The following ZNF587 variants were observed in gnomAD, a reference collection of about 807,000 sequenced individuals.
ZNF587 encodes the protein zinc finger protein 587.
Under a neutral mutation model 7.5 loss-of-function variants are expected in ZNF587, and 8 were observed. The observed-to-expected ratio is 1.06, with a 90% confidence interval of 0.62 to 1.92. ZNF587 has a LOEUF of 1.92. Among genes scored for constraint, ZNF587 ranks in the 40% most tolerant of loss-of-function variants. The pLI is 0.00. For synonymous variants in ZNF587, 145 were observed against 237.8 expected (o/e 0.61, Z 3.59); for missense variants, 468 against 692.8 (o/e 0.68, Z 3.64).
chr19:57,856,836 G>A (rs550211472), intron 2 of ZNF587, among the ~76,000 whole-genome samples: 17 of 152,088 alleles, frequency 1.1e-4, no homozygotes, highest in Middle Eastern at 3.4e-3. Flanking sequence ...TCAGGTGACT[G>A]TCCAAATCGG....
At position 57,859,928 on chromosome 19, in the gene ZNF587, G is replaced by A. The variant is rs774045298; in HGVS notation, c.1516G>A (p.Ala506Thr). The A allele has an allele frequency of 1.7e-5, 28 of 1,613,636 alleles. No individual in the cohort carries two copies. The highest frequency in any genetic ancestry group is 1.3e-4 in the African/African-American group (10 of 74,714). ...ECGKSFLSSS[A>T]LHVHKRVHSG... Reference sequence around the variant, plus strand: ...TGGGAAATCATTTCTTTCCAGCTCTGCGCTTCATGTTCATAAAAGAGTTCA... The same window carrying A: ...TGGGAAATCATTTCTTTCCAGCTCTACGCTTCATGTTCATAAAAGAGTTCA... The change falls in exon 3 of 3, where the codon GCG becomes ACG. Residue 506 changes from alanine (A) to threonine (T), a missense_variant. Ala to Thr is a moderately conservative substitution (Grantham distance 58, BLOSUM62 0). Around this residue, in one of 5 missense-constraint regions of ZNF587, gnomAD observed 310 missense variants for 325.6 expected, o/e 0.95. Coordinates refer to ENST00000339656, the MANE Select transcript of ZNF587 (RefSeq NM_032828.4).
intron 2 of ZNF587, among the ~76,000 whole-genome samples, chr19:57,857,554 T>A (rs192655031): frequency 6.6e-6 from 1 of 151,968 alleles, no homozygotes; most frequent in Non-Finnish European, 1.5e-5. Flanking sequence ...GTTGTACTCA[T>A]GTTTTCTTGG....
At chr19:57,858,222 G>A in intron 2 of ZNF587, 1 of 283,790 alleles carries the variant, frequency 3.5e-6, no homozygotes. Flanking sequence ...TGCCTTCTGG[G>A]TTCAAATGAT....
intron 1 of ZNF587, chr19:57,850,484 GTT>G: frequency 6.0e-6 from 3 of 496,346 alleles, no homozygotes; most frequent in Non-Finnish European, 1.1e-5. Flanking sequence ...GCTGTTTTCT[GTT>G]CTGGGTGGGA....
At chr19:57,850,346 A>T (rs2071266256) in intron 1 of ZNF587, 5 of 621,984 alleles carry the variant, frequency 8.0e-6, no homozygotes, top group Non-Finnish European at 5.6e-6. Flanking sequence ...TTTATTATTC[A>T]AATCAGTCTC....
At chr19:57,850,297 A>G (rs529933006) in intron 1 of ZNF587, 1 of 690,142 alleles carries the variant, frequency 1.4e-6, no homozygotes, top group South Asian at 1.9e-5. Flanking sequence ...AGAAATAGTA[A>G]TTCACGCAGA....
In ZNF587 at chr19:57,858,604, G is replaced by A. The variant is rs2071395885; in HGVS notation, c.192G>A (p.Glu64=). Residue 64 remains glutamate, a synonymous_variant, in exon 3 of 3, where the codon GAG becomes GAA. Transcript: ENST00000339656. The part of the protein sequence containing the change: ...LGCWCGSKDE[E]APCKQRISVQ... ...GTTGGTGTGGATCAAAAGATGAGGA[G>A]GCACCTTGTAAGCAGAGAATTTCTG... 7 of 1,591,550 alleles carry A rather than the reference G, an allele frequency of 4.4e-6. No homozygotes were observed. Among genetic ancestry groups the A allele is most frequent in the Non-Finnish European group, 6.0e-6 (7 of 1,169,166 alleles).
In ZNF587 at chr19:57,863,266, T is replaced by TGA. The variant is rs1568511441; in HGVS notation, c.*3127_*3128insAG. The TGA allele has an allele frequency of 6.6e-6, 1 of 152,248 alleles. No homozygotes were observed. The highest frequency in any genetic ancestry group is 1.5e-5 in the Non-Finnish European group (1 of 68,102). The allele number at this position is 152,248 out of a possible 1,614,324, so 9.4% of individuals were successfully genotyped here. A position where few individuals can be genotyped will look rare whatever the true frequency, so the allele number is the denominator to read the frequency against. On this transcript the variant is annotated 3_prime_UTR_variant, in exon 3 of 3. Coordinates refer to ENST00000339656, the MANE Select transcript of ZNF587 (RefSeq NM_032828.4). ...CTCTTTAGCTGGGATTACAGGTGCGTGCCACCACACCCAGCTAATTTTTGT... is the reference window on the plus strand; with the variant it reads ...CTCTTTAGCTGGGATTACAGGTGCGTGAGCCACCACACCCAGCTAATTTTTGT...
At chr19:57,856,649 C>G (rs1419062748) in intron 2 of ZNF587, among the ~76,000 whole-genome samples, 1 of 151,954 alleles carries the variant, frequency 6.6e-6, no homozygotes, top group African/African-American at 2.4e-5. Context: ...ACCTCGTGAT[C>G]CACCTGCCTT....
rs1346068062 is a variant in ZNF587 at position 57,864,767 on chromosome 19, C to T, written c.*4627C>T. The T allele has an allele frequency of 6.6e-6, 1 of 152,064 alleles. No individual in the cohort carries two copies. Among genetic ancestry groups the T allele is most frequent in the Non-Finnish European group, 1.5e-5 (1 of 68,018 alleles). 9.4% of individuals were successfully genotyped at this position (152,064 alleles called of 1,614,324 possible). On this transcript the variant is annotated 3_prime_UTR_variant, in exon 3 of 3. Transcript: ENST00000339656. ...CACACACACTGAAGAGTATGTTTGT[C>T]TCTTGTGGTGTAAATTTTTTTTTAT... is the stretch of plus-strand genomic sequence containing the variant.
chr19:57,861,573 C>G lies in ZNF587; in HGVS notation c.*1433C>G, dbSNP rs1255840778. On this transcript the variant is annotated 3_prime_UTR_variant, in exon 3 of 3. Coordinates refer to ENST00000339656, the MANE Select transcript of ZNF587 (RefSeq NM_032828.4). ...CGAACTCCTGGGCTCAGGCGATCCA[C>G]TTGCCTAGGCTCCAAAAGTGCTTGG... The G allele has an allele frequency of 6.6e-5, 10 of 152,164 alleles. No homozygotes were observed. The highest frequency in any genetic ancestry group is 6.6e-5 in the Admixed American group (1 of 15,250). The allele number at this position is 152,164 out of a possible 1,614,324, so 9.4% of individuals were successfully genotyped here.
In ZNF587 at chr19:57,859,820, G is replaced by A. The variant is rs750713822; in HGVS notation, c.1408G>A (p.Gly470Arg). 1.2e-6 allele frequency: 2 copies of A among 1,614,178 alleles called. No individual in the cohort carries two copies. Among genetic ancestry groups the A allele is most frequent in the East Asian group, 2.2e-5 (1 of 44,876 alleles). Residue 470 changes from glycine (G) to arginine (R), a missense_variant, in exon 3 of 3, where the codon GGG (glycine) becomes AGG (arginine). Around this residue, in one of 5 missense-constraint regions of ZNF587, gnomAD observed 310 missense variants for 325.6 expected, o/e 0.95. Coordinates refer to ENST00000339656, the MANE Select transcript of ZNF587 (RefSeq NM_032828.4). Reference protein sequence around the residue: ...GERPYACEVCGKLFGNKHSVT... With the variant: ...GERPYACEVCRKLFGNKHSVT... ...AAGGCCATATGCGTGTGAGGTATGT[G>A]GGAAATTATTTGGCAATAAGCACAG...
At position 57,859,788 on chromosome 19, in the gene ZNF587, C is replaced by T. The variant is rs1214811719; in HGVS notation, c.1376C>T (p.Thr459Ile). The T allele has an allele frequency of 1.9e-6, 3 of 1,614,096 alleles. No homozygotes were observed. Among genetic ancestry groups the T allele is most frequent in the Non-Finnish European group, 2.5e-6 (3 of 1,180,006 alleles). The change falls in exon 3 of 3, where the codon ACT (threonine) becomes ATT (isoleucine). Residue 459 changes from threonine (T) to isoleucine (I), a missense_variant. Coordinates refer to ENST00000339656, the MANE Select transcript of ZNF587 (RefSeq NM_032828.4). ...YHLLVHERVH[T>I]GERPYACEVC... ...CTTCTGGTTCATGAGAGAGTTCACA[C>T]TGGAGAAAGGCCATATGCGTGTGAG... is the stretch of plus-strand genomic sequence containing the variant.
At position 57,859,227 on chromosome 19, in the gene ZNF587, A is replaced by T. The variant is rs766684646; in HGVS notation, c.815A>T (p.Glu272Val). ...HTAKGPYDCG[E>V]CGKSYSRKSS... ...GCAAAAGGACCTTATGATTGTGGAG[A>T]GTGTGGGAAATCTTATAGTCGAAAG... Residue 272 changes from glutamate to valine, a missense_variant, in exon 3 of 3, where the codon GAG (glutamate) becomes GTG (valine). Physicochemically the swap from Glu to Val is moderately radical, Grantham distance 121. Around this residue, in one of 5 missense-constraint regions of ZNF587, gnomAD observed 20 missense variants for 44.9 expected, o/e 0.45. Coordinates refer to ENST00000339656, the MANE Select transcript of ZNF587 (RefSeq NM_032828.4). The T allele has an allele frequency of 2.5e-6, 4 of 1,607,274 alleles. No homozygotes were observed. Among genetic ancestry groups the T allele is most frequent in the Admixed American group, 3.4e-5 (2 of 58,938 alleles).
chr19:57,854,415 A>G (rs1159107552), intron 1 of ZNF587, among the ~76,000 whole-genome samples: 1 of 152,024 alleles, frequency 6.6e-6, no homozygotes, highest in Non-Finnish European at 1.5e-5. Flanking sequence ...ATTGGATGCT[A>G]TTTGTATTTG....
intron 2 of ZNF587, chr19:57,856,986 C>A (rs983229224): frequency 6.6e-5 from 10 of 151,910 alleles, no homozygotes; most frequent in African/African-American, 2.4e-4. Flanking sequence ...TCTTGCAAGA[C>A]CCTGCTTAGG....
rs1311313940 is a variant in ZNF587, at chr19:57,862,543, G to A, written c.*2403G>A. 7 of 154,732 alleles carry A rather than the reference G, an allele frequency of 4.5e-5. No individual in the cohort carries two copies. In the Admixed American group the frequency reaches 4.6e-4, roughly 10 times the overall value. The allele number at this position is 154,732 out of a possible 1,614,324, so 9.6% of individuals were successfully genotyped here. A position where few individuals can be genotyped will look rare whatever the true frequency, so the allele number is the denominator to read the frequency against. On this transcript the variant is annotated 3_prime_UTR_variant, in exon 3 of 3. Transcript: ENST00000339656. Reference sequence around the variant, plus strand: ...TGCAGAAACTGTCATTGCACTTTCTGCTGAAATGGCAGTTTCTTCTCAGCA... The same window carrying A: ...TGCAGAAACTGTCATTGCACTTTCTACTGAAATGGCAGTTTCTTCTCAGCA...
rs142008303 is a variant in ZNF587 at position 57,860,275 on chromosome 19, C to T, written c.*135C>T. The T allele has an allele frequency of 2.6e-3, 3,882 of 1,521,148 alleles. 25 individuals are homozygous for T. The Middle Eastern group carries it at 0.03, about 12-fold the overall frequency. 94.2% of individuals were successfully genotyped at this position (1,521,148 alleles called of 1,614,324 possible). On this transcript the variant is annotated 3_prime_UTR_variant, in exon 3 of 3. Coordinates refer to ENST00000339656, the MANE Select transcript of ZNF587 (RefSeq NM_032828.4). The stretch of plus-strand genomic sequence containing the variant: ...AATGTCTGCTGTCCTCGGTCTTAAG[C>T]GACTTCGTGTTGAGATGGAGTCTTG...
At chr19:57,854,548 T>C (rs1201539911) in intron 1 of ZNF587, among the ~76,000 whole-genome samples, 3 of 151,426 alleles carry the variant, frequency 2.0e-5, no homozygotes, top group Non-Finnish European at 4.4e-5. Context: ...AGTACAAATC[T>C]CATTCCCACT....
Sources: gnomAD v4.1 joint callset for allele counts (sites outside exome capture counted in the v4.1 genomes callset) on GRCh38, gnomAD v4.1.1 for gene constraint, gnomAD v4.1.1 regional missense constraint, MANE v1.5 for transcripts, NCBI Gene and HGNC (gene_info 2026-07-23, HGNC 2026-07-21) for gene names.